Variants in SIPA1L3 observed in about 807,000 individuals in gnomAD.
The protein encoded by SIPA1L3 is signal induced proliferation associated 1 like 3.
A neutral mutation model predicts 150.1 loss-of-function variants in SIPA1L3; 59 were observed. That is an observed-to-expected ratio of 0.39 (90% CI 0.32 to 0.49). SIPA1L3 has a LOEUF of 0.49. SIPA1L3 is among the 20% of genes least tolerant of loss of function. The pLI, the probability that SIPA1L3 is intolerant of heterozygous loss-of-function variation, is 0.86. For missense variants in SIPA1L3, 2,211 were observed against 2,489.5 expected, an observed-to-expected ratio of 0.89 and a Z score of 2.38; for synonymous variants, 1,070 against 1,077.6, an observed-to-expected ratio of 0.99 and a Z score of 0.14.
At chr19:38,038,279 A>C (rs1198924280) in intron 2 of SIPA1L3, among the ~76,000 whole-genome samples, 1 of 152,170 alleles carries the variant, frequency 6.6e-6, no homozygotes, top group African/African-American at 2.4e-5. Context: ...TCCACTGTGC[A>C]CTGTATCTTC....
intron 10 of SIPA1L3, among the ~76,000 whole-genome samples, chr19:38,139,244 GA>G (rs1971515420): frequency 6.6e-6 from 1 of 152,174 alleles, no homozygotes; most frequent in Non-Finnish European, 1.5e-5. Flanking sequence ...GCCCTGCTTA[GA>G]GCACATGACA....
At chr19:38,035,759 A>T (rs1968766968) in intron 2 of SIPA1L3, among the ~76,000 whole-genome samples, 1 of 151,534 alleles carries the variant, frequency 6.6e-6, no homozygotes, top group African/African-American at 2.4e-5. Context: ...GCGGTGGTGG[A>T]GGTGGTGATG....
At chr19:38,063,260 A>C (rs1230031311) in intron 2 of SIPA1L3, among the ~76,000 whole-genome samples, 1 of 150,940 alleles carries the variant, frequency 6.6e-6, no homozygotes, top group Non-Finnish European at 1.5e-5. Context: ...CAGCACCTGC[A>C]CCGCCCCCGC....
chr19:38,169,488 G>T (rs373564190), intron 15 of SIPA1L3, among the ~76,000 whole-genome samples: 9 of 152,050 alleles, frequency 5.9e-5, no homozygotes, highest in African/African-American at 2.2e-4. Context: ...GTACCCCCAG[G>T]CAAGTAACTG....
chr19:37,951,508 T>C (rs2046763458), intron 1 of SIPA1L3, among the ~76,000 whole-genome samples: 1 of 152,196 alleles, frequency 6.6e-6, no homozygotes, highest in Non-Finnish European at 1.5e-5. Context: ...TCTTCCTCTT[T>C]ACAGATTATT....
intron 15 of SIPA1L3, 122 bp downstream of exon 15, chr19:38,165,028 T>C: frequency 1.0e-6 from 1 of 961,616 alleles, no homozygotes; most frequent in Non-Finnish European, 1.5e-6. Context: ...CGCCTAGTCA[T>C]TGGTTTGCTG....
chr19:38,056,735 T>A (rs560160061), intron 2 of SIPA1L3, among the ~76,000 whole-genome samples: 2 of 152,294 alleles, frequency 1.3e-5, no homozygotes, highest in South Asian at 4.1e-4. Flanking sequence ...TTTTTCCCCC[T>A]GATTTTGAAA....
chr19:38,073,505 G>C (rs377070780), intron 2 of SIPA1L3, among the ~76,000 whole-genome samples: 6 of 152,292 alleles, frequency 3.9e-5, no homozygotes, highest in African/African-American at 1.4e-4. Context: ...TGTCTCCCAG[G>C]CTGCCCTAGT....
chr19:38,065,596 A>G (rs1335097407), intron 2 of SIPA1L3, among the ~76,000 whole-genome samples: 1 of 149,802 alleles, frequency 6.7e-6, no homozygotes, highest in Non-Finnish European at 1.5e-5. Flanking sequence ...TTTTTTTTGT[A>G]TTTTTAGTGG....
At chr19:37,925,646 T>A (rs1260842165) in intron 1 of SIPA1L3, among the ~76,000 whole-genome samples, 1 of 142,922 alleles carries the variant, frequency 7.0e-6, no homozygotes, top group African/African-American at 2.6e-5. Context: ...CAGGCTGGAG[T>A]GCAATGGCCC....
rs572845547 is a variant in SIPA1L3 at position 38,152,761 on chromosome 19, A to AAGGCTC, written c.3534-63_3534-58dup. The AAGGCTC allele has an allele frequency of 6.1e-5, 91 of 1,483,644 alleles. 1 individual carries two copies. The highest frequency in any genetic ancestry group is 3.7e-4 in the Admixed American group (18 of 48,800). The allele number at this position is 1,483,644 out of a possible 1,614,324, so 91.9% of individuals were successfully genotyped here. ...GTGTGTCTAAAACCCACTGGCGAGC[A>AAGGCTC]AGGCTCAGGCTCAGGCTCAGGTGGT... On this transcript the variant is annotated intron_variant, in intron 12 of 21. Transcript: ENST00000222345.
chr19:37,979,522 A>G (rs545786590), intron 1 of SIPA1L3, among the ~76,000 whole-genome samples: 14 of 151,136 alleles, frequency 9.3e-5, no homozygotes, highest in Non-Finnish European at 1.9e-4. Flanking sequence ...GTGCCACTGC[A>G]CTCCAGCCTG....
At chr19:37,923,973 C>T (rs1234916569) in intron 1 of SIPA1L3, among the ~76,000 whole-genome samples, 1 of 152,024 alleles carries the variant, frequency 6.6e-6, no homozygotes, top group Admixed American at 6.5e-5. Context: ...CAGGGTTTCA[C>T]CATGTTGGCC....
chr19:38,156,089 A>G (rs1198346480), intron 13 of SIPA1L3, among the ~76,000 whole-genome samples: 2 of 152,026 alleles, frequency 1.3e-5, no homozygotes, highest in Non-Finnish European at 2.9e-5. Flanking sequence ...CTCAAAAAAA[A>G]CAAAAACCAG....
intron 1 of SIPA1L3, among the ~76,000 whole-genome samples, chr19:37,977,585 C>G (rs993351770): frequency 3.3e-5 from 5 of 151,840 alleles, no homozygotes; most frequent in East Asian, 1.9e-4. Context: ...CCCTCCACGC[C>G]CCCCCCCACA....
intron 1 of SIPA1L3, among the ~76,000 whole-genome samples, chr19:37,978,012 G>T (rs1393371500): frequency 6.6e-6 from 1 of 152,186 alleles, no homozygotes; most frequent in Non-Finnish European, 1.5e-5. Flanking sequence ...TGTACCTTTA[G>T]TCTCCAGGAT....
At chr19:38,150,052 G>A (rs1971783653) in intron 12 of SIPA1L3, among the ~76,000 whole-genome samples, 1 of 152,232 alleles carries the variant, frequency 6.6e-6, no homozygotes, top group South Asian at 2.1e-4. Flanking sequence ...CTAGCCAGGT[G>A]TGAAGTCAGC....
At chr19:37,933,435 A>C (rs546913813) in intron 1 of SIPA1L3, among the ~76,000 whole-genome samples, 99 of 152,072 alleles carry the variant, frequency 6.5e-4, no homozygotes, top group African/African-American at 2.3e-3. Flanking sequence ...CATAGCATTT[A>C]CTTCCACTTG....
chr19:38,199,616 G>A (rs530929688), intron 19 of SIPA1L3, among the ~76,000 whole-genome samples: 1 of 152,142 alleles, frequency 6.6e-6, no homozygotes, highest in Non-Finnish European at 1.5e-5. Context: ...GGGGGAGAGG[G>A]GGGAGTAGCA....
Sources: allele counts gnomAD v4.1 joint callset (sites outside exome capture counted in the v4.1 genomes callset), GRCh38; gene constraint gnomAD v4.1.1; transcripts MANE v1.5; gene names NCBI Gene and HGNC (gene_info 2026-07-23, HGNC 2026-07-21).